The following ATP8A2 variants were observed in gnomAD, a reference collection of about 807,000 sequenced individuals.
ATP8A2 encodes phospholipid-transporting ATPase IB.
Under a neutral mutation model 165.6 loss-of-function variants are expected in ATP8A2, and 100 were observed. That is an observed-to-expected ratio of 0.60 (90% CI 0.51 to 0.71). The LOEUF is 0.71. Ranked by LOEUF, ATP8A2 falls within the 30% of genes least tolerant of loss-of-function variation. The pLI, the probability that ATP8A2 is intolerant of heterozygous loss-of-function variation, is 0.00. For synonymous variants in ATP8A2, 543 were observed against 548.8 expected, an observed-to-expected ratio of 0.99 and a Z score of 0.15; for missense variants, 1,227 against 1,479.5, an observed-to-expected ratio of 0.83 and a Z score of 2.80.
At chr13:25,907,512 T>C (rs1953977569) in intron 33 of ATP8A2, among the ~76,000 whole-genome samples, 1 of 152,220 alleles carries the variant, frequency 6.6e-6, no homozygotes, top group South Asian at 2.1e-4. Context: ...TCCCTTGCTG[T>C]TTTCATTCAT....
chr13:25,522,181 C>G lies in ATP8A2; in HGVS notation c.222-7818C>G, dbSNP rs117923126. On this transcript the variant is annotated intron_variant, in intron 2 of 36. Transcript: ENST00000381655. ...AATAGTTTTTCTTATATAGATCTTT[C>G]ACTTCTCTGGTGAAATTGATTCCTA... 3.2e-4 allele frequency among the ~76,000 whole-genome samples: 48 copies of G among 152,276 alleles called. No individual in the cohort carries two copies. The East Asian group carries it at 5.0e-3, about 16-fold the overall frequency.
chr13:25,708,633 C>G (rs915454483), intron 25 of ATP8A2, among the ~76,000 whole-genome samples: 5 of 152,072 alleles, frequency 3.3e-5, no homozygotes, highest in African/African-American at 4.8e-5. Context: ...CTTTACTGTC[C>G]TCCAGTTTGA....
At chr13:25,813,332 A>G (rs1383583473) in intron 27 of ATP8A2, among the ~76,000 whole-genome samples, 1 of 152,054 alleles carries the variant, frequency 6.6e-6, no homozygotes, top group Admixed American at 6.6e-5. Context: ...AAAGACATCA[A>G]GGAGTTCACA....
chr13:25,781,044 G>A (rs942186038), intron 27 of ATP8A2, among the ~76,000 whole-genome samples: 3 of 152,180 alleles, frequency 2.0e-5, no homozygotes, highest in South Asian at 2.1e-4. Context: ...GGTGGATCAC[G>A]AGGTCAGGAG....
In ATP8A2 at chr13:25,579,959, C is replaced by G. The variant is rs377242139; in HGVS notation, c.2007+12C>G. The G allele has an allele frequency of 7.4e-6, 12 of 1,613,296 alleles. No individual in the cohort carries two copies. On this transcript the variant is annotated intron_variant, in intron 22 of 36. Coordinates refer to ENST00000381655, the MANE Select transcript of ATP8A2 (RefSeq NM_016529.6). ...AGATCATTGAGAAGGTAACCGCACA[C>G]AATACAGTCTTTTCAGCTCCATGAA...
intron 1 of ATP8A2, among the ~76,000 whole-genome samples, chr13:25,458,847 G>A (rs1266577995): frequency 6.6e-6 from 1 of 152,152 alleles, no homozygotes; most frequent in Non-Finnish European, 1.5e-5. Context: ...AAAGCTCCTG[G>A]GGCCTCTCTG....
Position 26,021,158 on chromosome 13 carries a change from G to A in ATP8A2, c.*1173G>A, listed in dbSNP as rs879645213. The A allele has an allele frequency of 6.6e-6, 1 of 152,220 alleles. No homozygotes were observed. Among genetic ancestry groups the A allele is most frequent in the South Asian group, 2.1e-4 (1 of 4,824 alleles). 9.4% of individuals were successfully genotyped at this position (152,220 alleles called of 1,614,324 possible). A position where few individuals can be genotyped will look rare whatever the true frequency, so the allele number is the denominator to read the frequency against. ...AGTAAACCCAGATGCAAGAGTATAG[G>A]ACATTGAGTGGGGAGAACAAGACGA... is the stretch of plus-strand genomic sequence containing the variant. On this transcript the variant is annotated 3_prime_UTR_variant, in exon 37 of 37. Coordinates refer to ENST00000381655, the MANE Select transcript of ATP8A2 (RefSeq NM_016529.6).
At chr13:26,003,656 C>T (rs1575585) in intron 35 of ATP8A2, among the ~76,000 whole-genome samples, 90,885 of 152,006 alleles carry the variant, frequency 0.6, 27,596 homozygotes, top group East Asian at 0.81. Context: ...AGTTTCAACT[C>T]GTATATATAA....
chr13:25,785,722 T>G (rs1593343249), intron 27 of ATP8A2, among the ~76,000 whole-genome samples: 1 of 152,322 alleles, frequency 6.6e-6, no homozygotes, highest in African/African-American at 2.4e-5. Context: ...CTAACTGGAT[T>G]TCAGTAATAA....
At chr13:25,796,817 C>A (rs1593361115) in intron 27 of ATP8A2, among the ~76,000 whole-genome samples, 2 of 151,438 alleles carry the variant, frequency 1.3e-5, no homozygotes, top group Non-Finnish European at 2.9e-5. Flanking sequence ...GGTAGTGGAC[C>A]GTATTATATT....
intron 11 of ATP8A2, among the ~76,000 whole-genome samples, chr13:25,552,020 T>C (rs2038838863): frequency 6.6e-6 from 1 of 152,180 alleles, no homozygotes; most frequent in Non-Finnish European, 1.5e-5. Context: ...GGAGTCTTGC[T>C]CTGTCGCCCA....
chr13:25,824,333 C>G (rs1414101175), intron 27 of ATP8A2, among the ~76,000 whole-genome samples: 5 of 152,136 alleles, frequency 3.3e-5, no homozygotes, highest in Non-Finnish European at 7.3e-5. Context: ...ACAATGACCT[C>G]TTCCTATTTG....
At chr13:25,760,959 G>T (rs1209473662) in intron 25 of ATP8A2, among the ~76,000 whole-genome samples, 1 of 152,198 alleles carries the variant, frequency 6.6e-6, no homozygotes, top group East Asian at 1.9e-4. Context: ...TTTAATATAT[G>T]CTCAAATATA....
In ATP8A2 at chr13:25,751,007, G is replaced by A. The variant is rs551941663; in HGVS notation, c.2385-18039G>A. 1.9e-4 allele frequency among the ~76,000 whole-genome samples: 29 copies of A among 152,272 alleles called. No individual in the cohort carries two copies. The South Asian group carries it at 2.5e-3, about 13-fold the overall frequency. On this transcript the variant is annotated intron_variant, in intron 25 of 36. Transcript: ENST00000381655. ...GTCTCAATGACAAAGGCGCCCGTGG[G>A]CTCACAGCTAGTACTGCGTCTTTGG...
chr13:25,554,734 A>G (rs919209766), intron 12 of ATP8A2, among the ~76,000 whole-genome samples: 1 of 151,818 alleles, frequency 6.6e-6, no homozygotes. Flanking sequence ...TAATTTTTGT[A>G]TTTTGAGTAA....
At chr13:25,562,010 C>G (rs1196143086) in intron 15 of ATP8A2, among the ~76,000 whole-genome samples, 1 of 152,178 alleles carries the variant, frequency 6.6e-6, no homozygotes, top group Non-Finnish European at 1.5e-5. Context: ...TTTTGTTTAT[C>G]CCACCATCTG....
chr13:25,600,704 T>G (rs910535616), intron 24 of ATP8A2, among the ~76,000 whole-genome samples: 1 of 152,168 alleles, frequency 6.6e-6, no homozygotes, highest in Non-Finnish European at 1.5e-5. Context: ...ATGCTCTCTC[T>G]CCTCTCTGTC....
At chr13:25,568,122 G>C (rs7993100) in intron 16 of ATP8A2, among the ~76,000 whole-genome samples, 103,698 of 152,110 alleles carry the variant, frequency 0.68, 36,437 homozygotes, top group Middle Eastern at 0.73. Context: ...TTTTCTGGTT[G>C]CTTTAGGACT....
chr13:25,882,835 A>G (rs904251727), intron 33 of ATP8A2, among the ~76,000 whole-genome samples: 5 of 152,170 alleles, frequency 3.3e-5, no homozygotes, highest in African/African-American at 1.2e-4. Context: ...GGCGCTATAA[A>G]TGAAGAGAGT....
Sources: gnomAD v4.1 joint callset for allele counts (sites outside exome capture counted in the v4.1 genomes callset) on GRCh38, gnomAD v4.1.1 for gene constraint, MANE v1.5 for transcripts, NCBI Gene and HGNC (gene_info 2026-07-23, HGNC 2026-07-21) for gene names.